CBLN4: variants seen among roughly 807,000 people sequenced by gnomAD.
CBLN4 encodes cerebellin-4.
CBLN4 carries 7 observed loss-of-function variants against 14.9 expected under a neutral mutation model. The ratio of observed to expected loss-of-function variants is 0.47; its 90% CI spans 0.27 to 0.88. The LOEUF (loss-of-function observed/expected upper bound fraction) is 0.88. CBLN4 is among the 40% of genes least tolerant of loss of function. CBLN4 has a pLI of 0.14. For synonymous variants in CBLN4, 131 were observed against 116.5 expected (o/e 1.12, Z -0.80); for missense variants, 188 against 256.8 (o/e 0.73, Z 1.83).
At position 55,998,147 on chromosome 20, in the gene CBLN4, C is replaced by CAA. The variant is rs1986311469; in HGVS notation, c.*409_*410insTT. ...CAATATATTAACACAGTATACAGTTCTTTGGCAGTATCACACTAACCGTTG... is the reference window on the plus strand; with the variant it reads ...CAATATATTAACACAGTATACAGTTCAATTTGGCAGTATCACACTAACCGTTG... On this transcript the variant is annotated 3_prime_UTR_variant, in exon 3 of 3. Transcript: ENST00000064571. The CAA allele has an allele frequency of 5.4e-6, 1 of 186,256 alleles. No homozygotes were observed. Among genetic ancestry groups the CAA allele is most frequent in the African/African-American group, 2.4e-5 (1 of 42,142 alleles). 11.5% of individuals were successfully genotyped at this position (186,256 alleles called of 1,614,324 possible).
chr20:56,000,767 A>G lies in CBLN4; in HGVS notation c.372T>C (p.Phe124=). 1 of 1,601,836 alleles carries G rather than the reference A, an allele frequency of 6.2e-7. No individual in the cohort carries two copies. ...APRKGIYSFS[F]HVIKVYQSQT... is the part of the protein sequence containing the mutation. ...GGCTCTGGTAGACTTTAATCACGTG[A>G]AAACTGAAACTGTAAATTCCTTTTC... The change falls in exon 2 of 3, where the codon TTT becomes TTC. Residue 124 remains phenylalanine (F), a synonymous_variant. Transcript: ENST00000064571.
chr20:56,001,455 A>G (rs1260835392), intron 1 of CBLN4, among the ~76,000 whole-genome samples: 1 of 152,124 alleles, frequency 6.6e-6, no homozygotes, highest in African/African-American at 2.4e-5. Flanking sequence ...AGTGATCTGA[A>G]TGCCTGGCCC....
intron 1 of CBLN4, among the ~76,000 whole-genome samples, chr20:56,002,904 A>T (rs1055252232): frequency 5.3e-5 from 8 of 152,180 alleles, no homozygotes; most frequent in Non-Finnish European, 7.3e-5. Context: ...ACAACTGTGA[A>T]CTGTGAATTT....
chr20:56,003,901 G>C lies in CBLN4; in HGVS notation c.271C>G (p.Arg91Gly). 6.2e-7 allele frequency: 1 copy of C among 1,612,078 alleles called. No homozygotes were observed. The highest frequency in any genetic ancestry group is 8.5e-7 in the Non-Finnish European group (1 of 1,179,044). ...HEPSEMSNKT[R>G]IIYFDQILVN... ...CTGACCTGATCGAAGTAAATGATGC[G>C]CGTCTTGTTGCTCATCTCGGATGGC... The change falls in exon 1 of 3, where the codon CGC becomes GGC. Residue 91 changes from arginine (R) to glycine (G), a missense_variant. Physicochemically the swap from Arg to Gly is moderately radical, Grantham distance 125 (BLOSUM62 -2). Around this residue, in one of 2 missense-constraint regions of CBLN4, gnomAD observed 93 missense variants for 157.7 expected, o/e 0.59. Transcript: ENST00000064571.
At chr20:56,002,010 C>G (rs896074939) in intron 1 of CBLN4, among the ~76,000 whole-genome samples, 1 of 152,180 alleles carries the variant, frequency 6.6e-6, no homozygotes, top group Admixed American at 6.5e-5. Flanking sequence ...CTGCTACTAT[C>G]TCTTTCGAAC....
At chr20:56,003,647 C>T (rs1187951264) in intron 1 of CBLN4, among the ~76,000 whole-genome samples, 2 of 152,208 alleles carry the variant, frequency 1.3e-5, no homozygotes, top group Non-Finnish European at 2.9e-5. Context: ...AAGCCTCTCC[C>T]CCGCCGCCGC....
chr20:55,998,806 A>G (rs772694333), intron 2 of CBLN4, 52 bp from the exon 3 acceptor site: 2 of 1,321,640 alleles, frequency 1.5e-6, no homozygotes, highest in South Asian at 1.2e-5. Context: ...AAGTCAAAAC[A>G]TCTACTGGGG....
rs1481923951 is a variant in CBLN4 at position 55,997,940 on chromosome 20, G to A, written c.*617C>T. On this transcript the variant is annotated 3_prime_UTR_variant, in exon 3 of 3. Coordinates refer to ENST00000064571, the MANE Select transcript of CBLN4 (RefSeq NM_080617.6). ...ACATATACAATTAAAATACAACTAT[G>A]AAGCATTCTTTTTTTTTGAGAGAAG... The A allele has an allele frequency of 6.6e-6, 1 of 152,006 alleles. No individual in the cohort carries two copies. Among genetic ancestry groups the A allele is most frequent in the African/African-American group, 2.4e-5 (1 of 41,032 alleles). 9.4% of individuals were successfully genotyped at this position (152,006 alleles called of 1,614,324 possible).
chr20:56,002,891 C>A (rs938177728), intron 1 of CBLN4, among the ~76,000 whole-genome samples: 2 of 152,328 alleles, frequency 1.3e-5, no homozygotes, highest in African/African-American at 2.4e-5. Context: ...TGCAGCTTTG[C>A]ATACAACTGT....
chr20:56,003,804 GC>G (rs1162537281), intron 1 of CBLN4, 76 bp downstream of exon 1: 2 of 1,461,400 alleles, frequency 1.4e-6, no homozygotes, highest in Non-Finnish European at 1.9e-6. Context: ...GACCAGCTTA[GC>G]CTGGGCAGGC....
In CBLN4 at chr20:56,004,204, C is replaced by A. The variant is rs1414767553; in HGVS notation, c.-33G>T. The stretch of plus-strand genomic sequence containing the variant: ...CGTGTGGGCAGCCGCAGCCGGCTGG[C>A]GCTGGTGCTCGCCCGCGTCGCCTCC... On this transcript the variant is annotated 5_prime_UTR_variant, in exon 1 of 3. Coordinates refer to ENST00000064571, the MANE Select transcript of CBLN4 (RefSeq NM_080617.6). This position sits in a 1 kb window ranked among gnomAD's most constrained non-coding sequence, Gnocchi z 6.1. 1.4e-6 allele frequency: 2 copies of A among 1,384,958 alleles called. No homozygotes were observed. The highest frequency in any genetic ancestry group is 1.5e-5 in the African/African-American group (1 of 65,490). 85.8% of individuals were successfully genotyped at this position (1,384,958 alleles called of 1,614,324 possible). A position where few individuals can be genotyped will look rare whatever the true frequency, so the allele number is the denominator to read the frequency against.
intron 2 of CBLN4, 96 bp from the exon 3 acceptor site, chr20:55,998,850 A>G: frequency 2.2e-6 from 2 of 891,844 alleles, no homozygotes; most frequent in Non-Finnish European, 3.5e-6. Context: ...TAGACCCAGT[A>G]AAATACCTGA....
In CBLN4 at chr20:55,998,725, T is replaced by C; in HGVS notation, c.438A>G (p.Val146=). Reference sequence around the variant, plus strand: ...CTTTGTCCCCCGCAAAGGCAGATATTACTGGTTTTCCATTTAACATCAAGT... The same window carrying C: ...CTTTGTCCCCCGCAAAGGCAGATATCACTGGTTTTCCATTTAACATCAAGT... ...QVNLMLNGKP[V]ISAFAGDKDV... The change falls in exon 3 of 3, where the codon GTA becomes GTG. Residue 146 remains valine (V), a synonymous_variant. Transcript: ENST00000064571. 6.2e-7 allele frequency: 1 copy of C among 1,614,068 alleles called. No homozygotes were observed. The highest frequency in any genetic ancestry group is 8.5e-7 in the Non-Finnish European group (1 of 1,179,920).
At chr20:55,999,706 T>C (rs1480049391) in intron 2 of CBLN4, among the ~76,000 whole-genome samples, 1 of 152,220 alleles carries the variant, frequency 6.6e-6, no homozygotes, top group Non-Finnish European at 1.5e-5. Flanking sequence ...AGATTTAGAT[T>C]TTAAATTTTA....
intron 1 of CBLN4, among the ~76,000 whole-genome samples, chr20:56,003,235 G>T (rs1173574033): frequency 6.6e-6 from 1 of 152,088 alleles, no homozygotes; most frequent in Non-Finnish European, 1.5e-5. Context: ...CCCCTCCTCC[G>T]CAACTTTTCT....
At position 56,000,803 on chromosome 20, in the gene CBLN4, A is replaced by G. The variant is rs778274881; in HGVS notation, c.336T>C (p.Phe112=). 9.4e-6 allele frequency: 15 copies of G among 1,599,108 alleles called. 1 individual carries two copies. The South Asian group carries it at 1.7e-4, about 18-fold the overall frequency. ...VGNFFTLESV[F]VAPRKGIYSF... ...TGTAAATTCCTTTTCTTGGTGCTAC[A>G]AAGACAGACTCCAATGTGAAAAAAT... The change falls in exon 2 of 3, where the codon TTT becomes TTC. Residue 112 remains phenylalanine (F), a synonymous_variant. Transcript: ENST00000064571.
intron 1 of CBLN4, among the ~76,000 whole-genome samples, chr20:56,002,009 T>G (rs1353209535): frequency 6.6e-6 from 1 of 152,192 alleles, no homozygotes; most frequent in Non-Finnish European, 1.5e-5. Context: ...TCTGCTACTA[T>G]CTCTTTCGAA....
chr20:56,004,891 G>A lies in CBLN4; in HGVS notation c.-720C>T, dbSNP rs1986440201. On this transcript the variant is annotated 5_prime_UTR_variant, in exon 1 of 3. Coordinates refer to ENST00000064571, the MANE Select transcript of CBLN4 (RefSeq NM_080617.6). The surrounding 1 kb of genome is among the most constrained non-coding windows in gnomAD (Gnocchi z 6.1). ...CAGGGCGCCGGGCGCAGCGTTCAGG[G>A]CGGCTGGTCCGGCGGGGTCCTCTCC... 1 of 152,370 alleles carries A rather than the reference G, an allele frequency of 6.6e-6. No homozygotes were observed. The highest frequency in any genetic ancestry group is 1.9e-4 in the East Asian group (1 of 5,194). The allele number at this position is 152,370 out of a possible 1,614,324, so 9.4% of individuals were successfully genotyped here. A position where few individuals can be genotyped will look rare whatever the true frequency, so the allele number is the denominator to read the frequency against.
rs1986428761 is a variant in CBLN4 at position 56,004,322 on chromosome 20, A to G, written c.-151T>C. On this transcript the variant is annotated 5_prime_UTR_variant, in exon 1 of 3. Transcript: ENST00000064571. This position sits in a 1 kb window ranked among gnomAD's most constrained non-coding sequence, Gnocchi z 6.1. ...GGCGGCGGCGCGCACACTTCCACCA[A>G]TTCTGTGGCTTGAAGTCAAAGTCTC... 1 of 681,370 alleles carries G rather than the reference A, an allele frequency of 1.5e-6. No homozygotes were observed. Among genetic ancestry groups the G allele is most frequent in the Non-Finnish European group, 2.2e-6 (1 of 449,434 alleles). The allele number at this position is 681,370 out of a possible 1,614,324, so 42.2% of individuals were successfully genotyped here. A position where few individuals can be genotyped will look rare whatever the true frequency, so the allele number is the denominator to read the frequency against.
Sources: allele counts gnomAD v4.1 joint callset (sites outside exome capture counted in the v4.1 genomes callset), GRCh38; gene constraint gnomAD v4.1.1; regional missense constraint gnomAD v4.1.1; non-coding constraint Gnocchi (gnomAD v3.1); transcripts MANE v1.5; gene names NCBI Gene and HGNC (gene_info 2026-07-23, HGNC 2026-07-21).